FYB1: variants seen among roughly 807,000 people sequenced by gnomAD.
FYB1 encodes the protein FYN binding protein 1.
A neutral mutation model predicts 94.1 loss-of-function variants in FYB1; 41 were observed. That is an observed-to-expected ratio of 0.44 (90% confidence interval 0.34 to 0.57). The LOEUF is 0.57. Ranked by LOEUF, FYB1 falls within the 20% of genes least tolerant of loss-of-function variation. FYB1 has a pLI of 0.02. For missense variants in FYB1, 1,050 were observed against 976.8 expected, an observed-to-expected ratio of 1.07 and a Z score of -1.00; for synonymous variants, 367 against 353.2, an observed-to-expected ratio of 1.04 and a Z score of -0.44.
At chr5:39,229,149 A>G (rs1008945307) in intron 1 of FYB1, among the ~76,000 whole-genome samples, 49 of 152,206 alleles carry the variant, frequency 3.2e-4, no homozygotes, top group African/African-American at 1.2e-3. Flanking sequence ...CCTGGGACTC[A>G]GGACCCAGGG....
intron 2 of FYB1, among the ~76,000 whole-genome samples, chr5:39,186,292 C>A (rs1746783719): frequency 6.6e-6 from 1 of 152,118 alleles, no homozygotes; most frequent in South Asian, 2.1e-4. Flanking sequence ...GGCGTGGTGG[C>A]ACATGCCTGT....
chr5:39,125,676 G>C (rs1409036847), intron 12 of FYB1, among the ~76,000 whole-genome samples: 2 of 152,166 alleles, frequency 1.3e-5, no homozygotes, highest in East Asian at 3.9e-4. Context: ...GGGTGTGTCA[G>C]TGTTTGTGTA....
intron 2 of FYB1, among the ~76,000 whole-genome samples, chr5:39,187,419 C>G (rs2289545): frequency 1.3e-5 from 2 of 152,076 alleles, no homozygotes; most frequent in Admixed American, 1.3e-4. Context: ...TTGTAAGTAC[C>G]GTATAAGCCT....
At chr5:39,162,206 G>C (rs1744316973) in intron 2 of FYB1, among the ~76,000 whole-genome samples, 1 of 152,158 alleles carries the variant, frequency 6.6e-6, no homozygotes, top group African/African-American at 2.4e-5. Context: ...ACCAAGAGTA[G>C]AATTGCTAGG....
chr5:39,230,664 C>T (rs1174818861), intron 1 of FYB1, among the ~76,000 whole-genome samples: 1 of 151,950 alleles, frequency 6.6e-6, no homozygotes, highest in Non-Finnish European at 1.5e-5. Flanking sequence ...TTTAAAAAGT[C>T]CTATCACTGT....
At chr5:39,198,967 C>G (rs1748069670) in intron 2 of FYB1, among the ~76,000 whole-genome samples, 1 of 151,802 alleles carries the variant, frequency 6.6e-6, no homozygotes, top group Admixed American at 6.6e-5. Flanking sequence ...TGGATTTTAG[C>G]CTCAGATATA....
chr5:39,177,281 C>T (rs1330344911), intron 2 of FYB1, among the ~76,000 whole-genome samples: 1 of 152,146 alleles, frequency 6.6e-6, no homozygotes, highest in Non-Finnish European at 1.5e-5. Context: ...CTATTGTGCG[C>T]CTGCTACCTA....
intron 17 of FYB1, among the ~76,000 whole-genome samples, chr5:39,109,894 C>G (rs1057434360): frequency 6.6e-6 from 1 of 152,084 alleles, no homozygotes; most frequent in Non-Finnish European, 1.5e-5. Flanking sequence ...TAGTACTCTA[C>G]TATGCCTAGT....
At chr5:39,172,170 G>A (rs535522362) in intron 2 of FYB1, among the ~76,000 whole-genome samples, 1 of 152,306 alleles carries the variant, frequency 6.6e-6, no homozygotes, top group Non-Finnish European at 1.5e-5. Flanking sequence ...TTTTGGCCGG[G>A]TGTGGTGGCT....
intron 2 of FYB1, among the ~76,000 whole-genome samples, chr5:39,166,786 ACC>A (rs1227674423): frequency 5.9e-5 from 9 of 151,458 alleles, no homozygotes; most frequent in African/African-American, 2.2e-4. Flanking sequence ...GAAATAATAG[ACC>A]CTGGAGACTG....
intron 2 of FYB1, among the ~76,000 whole-genome samples, chr5:39,184,725 T>C (rs185901790): frequency 6.0e-4 from 91 of 152,270 alleles, no homozygotes; most frequent in Non-Finnish European, 1.1e-3. Context: ...AAAAATCTCT[T>C]CAATAAATGT....
intron 2 of FYB1, among the ~76,000 whole-genome samples, chr5:39,163,959 T>A (rs573051642): frequency 6.6e-6 from 1 of 152,354 alleles, no homozygotes; most frequent in East Asian, 1.9e-4. Flanking sequence ...ATGAACACTT[T>A]CAATTTTTGA....
At chr5:39,153,342 G>T in intron 3 of FYB1, 106 bp downstream of exon 3, 1 of 1,415,928 alleles carries the variant, frequency 7.1e-7, no homozygotes, top group Non-Finnish European at 9.9e-7. Context: ...GCCCACTTTT[G>T]TAGACCCAGA....
intron 9 of FYB1, among the ~76,000 whole-genome samples, chr5:39,133,908 C>T (rs1303239706): frequency 3.3e-5 from 5 of 152,108 alleles, no homozygotes; most frequent in Non-Finnish European, 5.9e-5. Flanking sequence ...TTTCATTAGG[C>T]ATATCCCTAA....
At chr5:39,231,181 C>CAAAACAAAAA (rs1561294155) in intron 1 of FYB1, among the ~76,000 whole-genome samples, 15 of 101,812 alleles carry the variant, frequency 1.5e-4, no homozygotes, top group East Asian at 8.6e-4. Flanking sequence ...ACAAAAAAAA[C>CAAAACAAAAA]AAAACAGCTG....
At chr5:39,144,469 G>GA (rs1182881344) in intron 3 of FYB1, among the ~76,000 whole-genome samples, 1 of 151,978 alleles carries the variant, frequency 6.6e-6, no homozygotes, top group Non-Finnish European at 1.5e-5. Flanking sequence ...AAATTGCAAA[G>GA]AATTAAAAAA....
chr5:39,126,024 A>G lies in FYB1; in HGVS notation c.2019T>C (p.Ser673=). 6.2e-7 allele frequency: 1 copy of G among 1,613,472 alleles called. No individual in the cohort carries two copies. The highest frequency in any genetic ancestry group is 8.5e-7 in the Non-Finnish European group (1 of 1,179,640). Residue 673 remains serine, a synonymous_variant, in exon 12 of 19, where the codon TCT becomes TCC. Transcript: ENST00000512982. ...ATGAACCTTCATTATTGTCTGAGTC[A>G]GAGACTTTAGGTTTCTCTCGTATAC... ...KKSIREKPKV[S]DSDNNEGSSF...
At chr5:39,206,784 C>A (rs1031154481) in intron 1 of FYB1, among the ~76,000 whole-genome samples, 1 of 152,202 alleles carries the variant, frequency 6.6e-6, no homozygotes, top group Non-Finnish European at 1.5e-5. Flanking sequence ...ATGTTGCTAA[C>A]CGGTGCATAT....
rs192826753 is a variant in FYB1, at chr5:39,272,368, A to C, written c.-28+2035T>G. Reference sequence around the variant, plus strand: ...ACATGTTTACCCCATGTACTACATAAAAATTACTTAATCAGCCCGGGCGCG... The same window carrying C: ...ACATGTTTACCCCATGTACTACATACAAATTACTTAATCAGCCCGGGCGCG... On this transcript the variant is annotated intron_variant, in intron 1 of 1. Transcript: ENST00000510188. 1.2e-3 allele frequency among the ~76,000 whole-genome samples: 186 copies of C among 152,270 alleles called. 2 individuals carry two copies. In the Middle Eastern group the frequency reaches 0.014, roughly 11 times the overall value.
Sources: gnomAD v4.1 joint callset for allele counts (sites outside exome capture counted in the v4.1 genomes callset) on GRCh38, gnomAD v4.1.1 for gene constraint, MANE v1.5 for transcripts, NCBI Gene and HGNC (gene_info 2026-07-23, HGNC 2026-07-21) for gene names.